NRXN3: variants seen among roughly 807,000 people sequenced by gnomAD.
NRXN3 encodes the protein neurexin 3.
A neutral mutation model predicts 137.6 loss-of-function variants in NRXN3; 32 were observed. The ratio of observed to expected loss-of-function variants is 0.23; its 90% CI spans 0.18 to 0.31. NRXN3 has a LOEUF of 0.31. Among genes scored for constraint, NRXN3 ranks in the 10% least tolerant of loss-of-function variants. The pLI is 1.00. For synonymous variants in NRXN3, 798 were observed against 784.5 expected, an observed-to-expected ratio of 1.02 and a Z score of -0.29; for missense variants, 1,574 against 2,062.5, an observed-to-expected ratio of 0.76 and a Z score of 4.59.
At chr14:79,692,087 TA>T in intron 17 of NRXN3, 85 bp from the exon 18 acceptor site, 1 of 1,049,916 alleles carries the variant, frequency 9.5e-7, no homozygotes, top group Non-Finnish European at 1.4e-6. Context: ...AAAAACTTCA[TA>T]AAACAAACCA....
At chr14:78,177,214 A>T (rs572669667) in intron 1 of NRXN3, among the ~76,000 whole-genome samples, 4 of 152,148 alleles carry the variant, frequency 2.6e-5, no homozygotes, top group African/African-American at 9.7e-5. Context: ...GAATCCAGAC[A>T]TTGGCCCCAG....
At chr14:79,392,329 CT>C (rs1196848263) in intron 15 of NRXN3, among the ~76,000 whole-genome samples, 3 of 152,088 alleles carry the variant, frequency 2.0e-5, no homozygotes, top group African/African-American at 7.2e-5. Flanking sequence ...CGAACTCATC[CT>C]TTTTTATGGC....
intron 15 of NRXN3, among the ~76,000 whole-genome samples, chr14:79,114,733 G>T (rs1276815627): frequency 6.6e-6 from 1 of 152,040 alleles, no homozygotes; most frequent in East Asian, 1.9e-4. Flanking sequence ...TTGCTATGTT[G>T]CTCAGGCTGG....
chr14:78,734,079 C>A (rs181713645), intron 8 of NRXN3, among the ~76,000 whole-genome samples: 1 of 152,028 alleles, frequency 6.6e-6, no homozygotes, highest in Admixed American at 6.6e-5. Context: ...TCTCCACTCT[C>A]GAATGCAGTG....
rs187486272 is a variant in NRXN3 at position 79,788,211 on chromosome 14, T to C, written c.4015-16901T>C. 2.2e-3 allele frequency among the ~76,000 whole-genome samples: 329 copies of C among 152,240 alleles called. 2 individuals carry two copies. Among genetic ancestry groups the C allele is most frequent in the Non-Finnish European group, 4.1e-3 (277 of 68,014 alleles). ...CTTATTCACTACCACAAGAACAGCATGGGAAAAACCCACCCCCATGATTCA... is the reference window on the plus strand; with the variant it reads ...CTTATTCACTACCACAAGAACAGCACGGGAAAAACCCACCCCCATGATTCA... On this transcript the variant is annotated intron_variant, in intron 19 of 20. Coordinates refer to ENST00000335750, the MANE Select transcript of NRXN3 (RefSeq NM_001330195.2).
intron 15 of NRXN3, among the ~76,000 whole-genome samples, chr14:79,220,256 TG>T (rs1357727050): frequency 6.6e-6 from 1 of 152,192 alleles, no homozygotes; most frequent in Non-Finnish European, 1.5e-5. Flanking sequence ...GATAATATTT[TG>T]TTTACTATGG....
chr14:78,953,073 A>G (rs572902549), intron 10 of NRXN3, among the ~76,000 whole-genome samples: 2 of 152,356 alleles, frequency 1.3e-5, no homozygotes, highest in Admixed American at 1.3e-4. Flanking sequence ...GGGAATAAGA[A>G]ATTCATGTAA....
At chr14:78,235,026 G>GTGTATATATATA (rs1555418717) in intron 1 of NRXN3, among the ~76,000 whole-genome samples, 3 of 87,308 alleles carry the variant, frequency 3.4e-5, no homozygotes, top group Non-Finnish European at 6.7e-5. Context: ...ATATATATGT[G>GTGTATATATATA]TATATATATA....
At chr14:79,098,839 A>G (rs933820066) in intron 15 of NRXN3, among the ~76,000 whole-genome samples, 3 of 152,196 alleles carry the variant, frequency 2.0e-5, no homozygotes, top group African/African-American at 7.2e-5. Context: ...CCAAAGGGGA[A>G]AAAAGATTTT....
chr14:78,968,670 G>T (rs967994439), intron 14 of NRXN3, among the ~76,000 whole-genome samples: 4 of 152,208 alleles, frequency 2.6e-5, no homozygotes, highest in Non-Finnish European at 5.9e-5. Context: ...GGCTGAAACA[G>T]CACTGGAGAC....
At chr14:78,554,744 T>G (rs2370824) in intron 4 of NRXN3, among the ~76,000 whole-genome samples, 105,454 of 151,914 alleles carry the variant, frequency 0.69, 36,801 homozygotes, top group East Asian at 0.71. Flanking sequence ...GTAAACGTGG[T>G]TGCTGACATT....
chr14:79,466,808 A>G (rs921848768), intron 15 of NRXN3, among the ~76,000 whole-genome samples: 1 of 152,120 alleles, frequency 6.6e-6, no homozygotes, highest in South Asian at 2.1e-4. Flanking sequence ...TGACCAGATT[A>G]TGCTGATAGA....
intron 19 of NRXN3, among the ~76,000 whole-genome samples, chr14:79,804,162 G>A (rs2099194066): frequency 1.3e-5 from 2 of 151,734 alleles, no homozygotes; most frequent in East Asian, 1.9e-4. Flanking sequence ...TGAAGAAGGG[G>A]AAATAAATGA....
intron 19 of NRXN3, among the ~76,000 whole-genome samples, chr14:79,773,559 A>G (rs1448293397): frequency 1.4e-5 from 2 of 145,180 alleles, no homozygotes; most frequent in Non-Finnish European, 3.0e-5. Flanking sequence ...ATTCTCACTC[A>G]TAGGTGGGAA....
intron 4 of NRXN3, among the ~76,000 whole-genome samples, chr14:78,525,022 TG>T (rs1261327984): frequency 6.6e-6 from 1 of 152,238 alleles, no homozygotes; most frequent in Non-Finnish European, 1.5e-5. Flanking sequence ...GTATTTTATC[TG>T]ATCTACTTCT....
Position 78,409,952 on chromosome 14 carries a change from G to A in NRXN3, c.757+112092G>A, listed in dbSNP as rs139025534. On this transcript the variant is annotated intron_variant, in intron 4 of 20. Coordinates refer to ENST00000335750, the MANE Select transcript of NRXN3 (RefSeq NM_001330195.2). ...ATACAAGATCTCATGTAATATTGCC[G>A]GGTTTTCTGTTCTCTTCTTTGAACT... 9.9e-5 allele frequency among the ~76,000 whole-genome samples: 15 copies of A among 152,198 alleles called. No individual in the cohort carries two copies. In the East Asian group the frequency reaches 2.9e-3, roughly 29 times the overall value.
At chr14:78,445,109 G>A (rs2094381819) in intron 4 of NRXN3, among the ~76,000 whole-genome samples, 1 of 152,116 alleles carries the variant, frequency 6.6e-6, no homozygotes, top group Admixed American at 6.5e-5. Flanking sequence ...AAAACTTGGA[G>A]TCATCCTGTT....
chr14:78,896,346 A>C (rs2099174667), intron 10 of NRXN3, among the ~76,000 whole-genome samples: 1 of 151,886 alleles, frequency 6.6e-6, no homozygotes, highest in South Asian at 2.1e-4. Flanking sequence ...TTTCAGCATA[A>C]GAAGCTTATC....
At chr14:78,898,631 C>T (rs1229269153) in intron 10 of NRXN3, among the ~76,000 whole-genome samples, 1 of 143,706 alleles carries the variant, frequency 7.0e-6, no homozygotes, top group African/African-American at 2.5e-5. Flanking sequence ...GGTTATATTC[C>T]ATAGATTCAT....
Sources: gnomAD v4.1 joint callset for allele counts (sites outside exome capture counted in the v4.1 genomes callset) on GRCh38, gnomAD v4.1.1 for gene constraint, MANE v1.5 for transcripts, NCBI Gene and HGNC (gene_info 2026-07-23, HGNC 2026-07-21) for gene names.